DNAJC7: variants seen among roughly 807,000 people sequenced by gnomAD.
DNAJC7 encodes DnaJ heat shock protein family (Hsp40) member C7.
Under a neutral mutation model 67.4 loss-of-function variants are expected in DNAJC7, and 18 were observed. That is an observed-to-expected ratio of 0.27 (90% CI 0.18 to 0.40). The LOEUF (loss-of-function observed/expected upper bound fraction) is 0.40. Ranked by LOEUF, DNAJC7 falls within the 10% of genes least tolerant of loss-of-function variation. DNAJC7 has a pLI of 1.00. For missense variants in DNAJC7, 419 were observed against 613.8 expected, an observed-to-expected ratio of 0.68 and a Z score of 3.35; for synonymous variants, 220 against 207.8, an observed-to-expected ratio of 1.06 and a Z score of -0.50.
chr17:41,998,572 T>C (rs2051721472), intron 2 of DNAJC7, among the ~76,000 whole-genome samples: 2 of 152,168 alleles, frequency 1.3e-5, no homozygotes, highest in South Asian at 4.1e-4. Context: ...GGCTTTGAAG[T>C]GTAGTGATTA....
At position 42,000,464 on chromosome 17, in the gene DNAJC7, G is replaced by A. The variant is rs782463530; in HGVS notation, c.166+18C>T. ...GGCAAGTAAATGTTTTCTAGCGTAA[G>A]TATCAGTTCTTTCTCACCTATGGCT... On this transcript the variant is annotated intron_variant, in intron 2 of 13. Coordinates refer to ENST00000457167, the MANE Select transcript of DNAJC7 (RefSeq NM_003315.4). 1.1e-5 allele frequency: 17 copies of A among 1,553,700 alleles called. No homozygotes were observed. In the South Asian group the frequency reaches 1.5e-4, roughly 14 times the overall value.
chr17:41,981,963 T>C lies in DNAJC7; in HGVS notation c.1276A>G (p.Lys426Glu), dbSNP rs781981583. ...ASAEVQKEEE[K>E]KFKEVGEAFT... Reference sequence around the variant, plus strand: ...GCCTCTCCAACTTCCTTGAACTTCTTCTCCTCCTCCTTCTGAACCTCAGCA... The same window carrying C: ...GCCTCTCCAACTTCCTTGAACTTCTCCTCCTCCTCCTTCTGAACCTCAGCA... Residue 426 changes from lysine (K) to glutamate (E), a missense_variant, in exon 12 of 14, where the codon AAG becomes GAG. Around this residue, in one of 4 missense-constraint regions of DNAJC7, gnomAD observed 161 missense variants for 252.2 expected, o/e 0.64. Transcript: ENST00000457167. The C allele has an allele frequency of 3.1e-6, 5 of 1,613,952 alleles. No individual in the cohort carries two copies. Among genetic ancestry groups the C allele is most frequent in the East Asian group, 2.2e-5 (1 of 44,884 alleles).
At chr17:41,988,021 A>T in intron 8 of DNAJC7, 111 bp from the exon 9 acceptor site, 1 of 843,270 alleles carries the variant, frequency 1.2e-6, no homozygotes, top group Non-Finnish European at 1.9e-6. Context: ...TGGCCCCTTA[A>T]ATGTCATATT....
intron 12 of DNAJC7, among the ~76,000 whole-genome samples, chr17:41,979,385 T>C (rs2051182087): frequency 6.8e-6 from 1 of 147,206 alleles, no homozygotes; most frequent in African/African-American, 2.5e-5. Flanking sequence ...TAAGTTGCAA[T>C]GGAAGGCCAG....
Position 41,989,419 on chromosome 17 carries a change from G to C in DNAJC7, c.738C>G (p.Ala246=). 2 of 1,613,998 alleles carry C rather than the reference G, an allele frequency of 1.2e-6. No individual in the cohort carries two copies. Among genetic ancestry groups the C allele is most frequent in the Non-Finnish European group, 1.7e-6 (2 of 1,179,886 alleles). The part of the protein sequence containing the change: ...ALRMAPDHEK[A]CIACRNAKAL... ...TAGAACTTACTCTGCAGGCAATGCA[G>C]GCCTTCTCGTGGTCAGGAGCCATCC... The change falls in exon 7 of 14, where the codon GCC becomes GCG. Residue 246 remains alanine, a synonymous_variant. Transcript: ENST00000457167.
chr17:42,014,295 G>A (rs932227152), intron 1 of DNAJC7: 1 of 150,268 alleles, frequency 6.7e-6, no homozygotes. Context: ...AGACTCCCGA[G>A]TAGCTGGGAT....
intron 10 of DNAJC7, among the ~76,000 whole-genome samples, chr17:41,982,970 AAAAG>A (rs2051288746): frequency 6.6e-6 from 1 of 151,858 alleles, no homozygotes; most frequent in African/African-American, 2.4e-5. Context: ...AAAAAAAAAA[AAAAG>A]AAAAAGAAAA....
At position 41,980,023 on chromosome 17, in the gene DNAJC7, G is replaced by A. The variant is rs928263024; in HGVS notation, c.1384+1832C>T. Reference sequence around the variant, plus strand: ...ATTTTCTTAGTGGAAGAGATGGTAGGTCTGTTCACCATTCACAGGTCAGGT... The same window carrying A: ...ATTTTCTTAGTGGAAGAGATGGTAGATCTGTTCACCATTCACAGGTCAGGT... On this transcript the variant is annotated intron_variant, in intron 12 of 13. Transcript: ENST00000457167. Among the ~76,000 whole-genome samples, 4 of 151,034 alleles carry A rather than the reference G, an allele frequency of 2.6e-5. No homozygotes were observed. The East Asian group carries it at 7.8e-4, about 29-fold the overall frequency.
chr17:42,013,899 A>G (rs2052188043), intron 1 of DNAJC7: 1 of 152,006 alleles, frequency 6.6e-6, no homozygotes, highest in African/African-American at 2.4e-5. Context: ...GATTCAAGTG[A>G]TTCTCCTGCC....
At chr17:41,977,157 T>TG (rs1353673411) in intron 13 of DNAJC7, 104 bp downstream of exon 13, 7 of 1,159,588 alleles carry the variant, frequency 6.0e-6, no homozygotes, top group Non-Finnish European at 8.7e-6. Context: ...AGAATTCAGC[T>TG]GCCCCCGCTC....
At chr17:41,977,346 T>C (rs2051114931) in intron 12 of DNAJC7, 23 bp from the exon 13 acceptor site, 6 of 1,564,098 alleles carry the variant, frequency 3.8e-6, no homozygotes, top group Non-Finnish European at 5.2e-6. Context: ...GCAAGTAACA[T>C]GGAAGGGAAG....
intron 1 of DNAJC7, among the ~76,000 whole-genome samples, chr17:42,012,376 G>C (rs1264775023): frequency 3.3e-5 from 5 of 152,146 alleles, no homozygotes; most frequent in African/African-American, 9.7e-5. Context: ...CCAGCTACTC[G>C]GGAGGCTGAG....
At chr17:41,987,203 G>A (rs2051406168) in intron 9 of DNAJC7, among the ~76,000 whole-genome samples, 1 of 152,084 alleles carries the variant, frequency 6.6e-6, no homozygotes, top group Admixed American at 6.5e-5. Flanking sequence ...TTAGAGGTAG[G>A]CACATCCTGG....
chr17:41,996,935 A>G (rs1555648749), intron 3 of DNAJC7, among the ~76,000 whole-genome samples, 180 bp downstream of exon 3: 1 of 152,236 alleles, frequency 6.6e-6, no homozygotes, highest in Non-Finnish European at 1.5e-5. Context: ...GGTGCTACTC[A>G]TACTCAGTGA....
At chr17:41,996,480 T>A in intron 3 of DNAJC7, 56 bp from the exon 4 acceptor site, 2 of 1,524,292 alleles carry the variant, frequency 1.3e-6, no homozygotes, top group East Asian at 4.6e-5. Context: ...TGGAAAGAAA[T>A]CAACAGCAGC....
At chr17:41,995,063 T>C in intron 4 of DNAJC7, 119 bp from the exon 5 acceptor site, 2 of 867,034 alleles carry the variant, frequency 2.3e-6, no homozygotes, top group Non-Finnish European at 3.8e-6. Flanking sequence ...CTGCCTCTTT[T>C]GATAGAGATA....
chr17:41,990,011 C>T (rs1355767636), intron 6 of DNAJC7, among the ~76,000 whole-genome samples: 1 of 152,222 alleles, frequency 6.6e-6, no homozygotes, highest in Non-Finnish European at 1.5e-5. Context: ...AAAGGACTAC[C>T]TTAAACAAAC....
rs369544082 is a variant in DNAJC7, at chr17:41,989,389, G to T, written c.753+15C>A. 1.1e-5 allele frequency: 18 copies of T among 1,612,988 alleles called. No individual in the cohort carries two copies. The highest frequency in any genetic ancestry group is 3.4e-4 in the Middle Eastern group (2 of 5,858). On this transcript the variant is annotated intron_variant, in intron 7 of 13. Transcript: ENST00000457167. ...GGAAGCTCTTTCCCAGTTAGGTCTG[G>T]TGACTAGAACTTACTCTGCAGGCAA...
chr17:41,997,948 C>T (rs550850876), intron 2 of DNAJC7, among the ~76,000 whole-genome samples: 10 of 152,224 alleles, frequency 6.6e-5, no homozygotes, highest in Middle Eastern at 3.4e-3. Context: ...CTGCATCCTC[C>T]GCCTCCTGGG....
Sources: allele counts gnomAD v4.1 joint callset (sites outside exome capture counted in the v4.1 genomes callset), GRCh38; gene constraint gnomAD v4.1.1; regional missense constraint gnomAD v4.1.1; transcripts MANE v1.5; gene names NCBI Gene and HGNC (gene_info 2026-07-23, HGNC 2026-07-21).